The following ATP6V1H variants were observed in gnomAD, a reference collection of about 807,000 sequenced individuals.
ATP6V1H encodes the protein V-type proton ATPase subunit H.
Under a neutral mutation model 71.7 loss-of-function variants are expected in ATP6V1H, and 39 were observed. The observed-to-expected ratio is 0.54, with a 90% CI of 0.42 to 0.71. The LOEUF is 0.71. Among genes scored for constraint, ATP6V1H ranks in the 30% least tolerant of loss-of-function variants. The pLI is 0.00. For missense variants in ATP6V1H, 509 were observed against 594.9 expected, an observed-to-expected ratio of 0.86 and a Z score of 1.50; for synonymous variants, 192 against 199.3, an observed-to-expected ratio of 0.96 and a Z score of 0.31.
At chr8:53,797,205 G>C (rs1585798558) in intron 8 of ATP6V1H, among the ~76,000 whole-genome samples, 1 of 152,162 alleles carries the variant, frequency 6.6e-6, no homozygotes, top group African/African-American at 2.4e-5. Context: ...TGTTCTACCA[G>C]TTGGCTCCAT....
intron 7 of ATP6V1H, among the ~76,000 whole-genome samples, chr8:53,810,592 T>A (rs1242029420): frequency 6.6e-6 from 1 of 152,026 alleles, no homozygotes; most frequent in African/African-American, 2.4e-5. Context: ...ATACAAAAAT[T>A]AGCTGGGTGT....
chr8:53,817,648 T>C, intron 4 of ATP6V1H, 118 bp from the exon 5 acceptor site: 1 of 606,346 alleles, frequency 1.6e-6, no homozygotes, highest in Non-Finnish European at 2.9e-6. Context: ...TGTGTGTGTA[T>C]GTGTGATTTG....
chr8:53,765,643 T>C (rs1241535493), intron 11 of ATP6V1H, among the ~76,000 whole-genome samples: 2 of 151,910 alleles, frequency 1.3e-5, no homozygotes, highest in Non-Finnish European at 2.9e-5. Context: ...TTGAAACAAA[T>C]AAACAGATAT....
intron 2 of ATP6V1H, among the ~76,000 whole-genome samples, chr8:53,838,930 T>C (rs1199036853): frequency 2.0e-5 from 3 of 152,134 alleles, no homozygotes; most frequent in Non-Finnish European, 4.4e-5. Context: ...GTAAGCTCTT[T>C]TATATGAGAC....
At chr8:53,815,763 G>A (rs1810429297) in intron 5 of ATP6V1H, among the ~76,000 whole-genome samples, 1 of 152,174 alleles carries the variant, frequency 6.6e-6, no homozygotes, top group South Asian at 2.1e-4. Context: ...ACTGTTAGGA[G>A]GCCAAGGATT....
chr8:53,773,000 T>C (rs904366224), intron 9 of ATP6V1H, among the ~76,000 whole-genome samples: 5 of 151,082 alleles, frequency 3.3e-5, no homozygotes, highest in Admixed American at 1.3e-4. Context: ...CTATCCCTAA[T>C]AATAAGGCTG....
chr8:53,798,568 G>GAA (rs745641636), intron 8 of ATP6V1H, among the ~76,000 whole-genome samples: 4 of 150,732 alleles, frequency 2.7e-5, no homozygotes, highest in African/African-American at 9.8e-5. Context: ...GGCTATACTT[G>GAA]AAAATTTTTC....
chr8:53,833,943 G>T (rs1357019472), intron 2 of ATP6V1H, among the ~76,000 whole-genome samples: 1 of 152,142 alleles, frequency 6.6e-6, no homozygotes, highest in African/African-American at 2.4e-5. Flanking sequence ...TATCTCTGGA[G>T]GTAGAAGAAA....
At chr8:53,721,677 G>A (rs534334652) in intron 13 of ATP6V1H, among the ~76,000 whole-genome samples, 7 of 152,264 alleles carry the variant, frequency 4.6e-5, no homozygotes, top group African/African-American at 1.7e-4. Flanking sequence ...AAAATTCATA[G>A]TTTTAACGAC....
At chr8:53,795,950 G>A (rs1477578801) in intron 8 of ATP6V1H, 111 bp from the exon 9 acceptor site, 1 of 955,196 alleles carries the variant, frequency 1.0e-6, no homozygotes. Flanking sequence ...ATTATGTCCT[G>A]TTTCTTTTCT....
At chr8:53,835,056 G>A (rs541599556) in intron 2 of ATP6V1H, among the ~76,000 whole-genome samples, 7 of 152,230 alleles carry the variant, frequency 4.6e-5, no homozygotes, top group South Asian at 2.1e-4. Context: ...GCTGAGGCAC[G>A]AGGATCACTT....
intron 11 of ATP6V1H, among the ~76,000 whole-genome samples, chr8:53,759,658 T>C (rs1748162626): frequency 6.6e-6 from 1 of 152,244 alleles, no homozygotes; most frequent in Non-Finnish European, 1.5e-5. Context: ...ATTCAACAAA[T>C]ATGTTCATTC....
rs200733079 is a variant in ATP6V1H, at chr8:53,743,622, C to A, written c.1346G>T (p.Arg449Leu). The A allele has an allele frequency of 6.2e-7, 1 of 1,613,856 alleles. No individual in the cohort carries two copies. Among genetic ancestry groups the A allele is most frequent in the South Asian group, 1.1e-5 (1 of 91,044 alleles). The change falls in exon 13 of 14, where the codon CGC becomes CTC. Residue 449 changes from arginine to leucine, a missense_variant. Physicochemically the swap from Arg to Leu is moderately radical, Grantham distance 102. This residue lies in a region of ATP6V1H where 212 missense variants were observed against 291.6 expected (regional missense o/e 0.73). Transcript: ENST00000359530. ...NHMHHEDQQV[R>L]YNALLAVQKL... ...CTGCACGGCCAGCAGAGCATTATAGCGGACCTGCTGGTCTTCATGATGCAT... is the reference window on the plus strand; with the variant it reads ...CTGCACGGCCAGCAGAGCATTATAGAGGACCTGCTGGTCTTCATGATGCAT...
chr8:53,834,010 C>T (rs1218377480), intron 2 of ATP6V1H, among the ~76,000 whole-genome samples: 1 of 152,116 alleles, frequency 6.6e-6, no homozygotes, highest in East Asian at 1.9e-4. Flanking sequence ...TACAATATAG[C>T]AAACCCCCAT....
At chr8:53,736,346 T>C (rs528031444) in intron 13 of ATP6V1H, among the ~76,000 whole-genome samples, 2 of 152,342 alleles carry the variant, frequency 1.3e-5, no homozygotes, top group East Asian at 1.9e-4. Context: ...GGCCATGTTA[T>C]GTTTGTGGAA....
rs548342674 is a variant in ATP6V1H at position 53,839,033 on chromosome 8, G to C, written c.113+2545C>G. Among the ~76,000 whole-genome samples, 4 of 152,310 alleles carry C rather than the reference G, an allele frequency of 2.6e-5. No individual in the cohort carries two copies. In the East Asian group the frequency reaches 7.7e-4, roughly 29 times the overall value. ...CATTTGCCCACAGGCCTACGGAGTG[G>C]AGGGGTTTTACAAAAGAAATTTGTG... On this transcript the variant is annotated intron_variant, in intron 2 of 13. Transcript: ENST00000359530.
chr8:53,758,469 T>C (rs143488588), intron 11 of ATP6V1H, among the ~76,000 whole-genome samples: 1,680 of 152,332 alleles, frequency 0.011, 11 homozygotes, highest in African/African-American at 0.024. Flanking sequence ...CTCGTGTTCC[T>C]GGAATTTGTG....
rs1195772134 is a variant in ATP6V1H, at chr8:53,747,291, G to A, written c.1278-3601C>T. 7.9e-5 allele frequency among the ~76,000 whole-genome samples: 12 copies of A among 152,172 alleles called. No homozygotes were observed. In the South Asian group the frequency reaches 2.5e-3, roughly 32 times the overall value. On this transcript the variant is annotated intron_variant, in intron 12 of 13. Transcript: ENST00000359530. ...TTAAGTTGCACAATGCTACTTATAT[G>A]AAAGTCAATATTTTTTAATCTGTGT...
At chr8:53,774,878 A>T (rs1808806489) in intron 9 of ATP6V1H, among the ~76,000 whole-genome samples, 1 of 152,228 alleles carries the variant, frequency 6.6e-6, no homozygotes, top group Non-Finnish European at 1.5e-5. Context: ...GTGAGAGGAG[A>T]AATCAGAGAG....
Sources: allele counts gnomAD v4.1 joint callset (sites outside exome capture counted in the v4.1 genomes callset), GRCh38; gene constraint gnomAD v4.1.1; regional missense constraint gnomAD v4.1.1; transcripts MANE v1.5; gene names NCBI Gene and HGNC (gene_info 2026-07-23, HGNC 2026-07-21).